CHN1: variants seen among roughly 807,000 people sequenced by gnomAD.
The protein encoded by CHN1 is chimerin 1, also known as N-chimaerin.
Under a neutral mutation model 59.5 loss-of-function variants are expected in CHN1, and 37 were observed. The observed-to-expected ratio is 0.62, with a 90% confidence interval of 0.48 to 0.82. The LOEUF is 0.82. Ranked by LOEUF, CHN1 falls within the 40% of genes least tolerant of loss-of-function variation. The pLI, the probability that CHN1 is intolerant of heterozygous loss-of-function variation, is 0.00. For synonymous variants in CHN1, 206 were observed against 200.4 expected (o/e 1.03, Z -0.24); for missense variants, 469 against 571.0 (o/e 0.82, Z 1.82).
intron 7 of CHN1, among the ~76,000 whole-genome samples, chr2:174,843,724 G>T (rs996664159): frequency 6.6e-6 from 1 of 152,036 alleles, no homozygotes; most frequent in African/African-American, 2.4e-5. Flanking sequence ...CCACTTAGGG[G>T]TATTTGTAGT....
At chr2:174,857,073 T>C (rs1355857700) in intron 6 of CHN1, among the ~76,000 whole-genome samples, 2 of 152,152 alleles carry the variant, frequency 1.3e-5, no homozygotes, top group Non-Finnish European at 2.9e-5. Context: ...ATTAATATCA[T>C]AAAGTAGTGA....
At chr2:174,893,702 G>T (rs560556492) in intron 5 of CHN1, among the ~76,000 whole-genome samples, 14 of 152,214 alleles carry the variant, frequency 9.2e-5, no homozygotes, top group Middle Eastern at 6.8e-3. Context: ...AACAAGGCTG[G>T]ATGCCTCAAA....
At chr2:174,981,058 AAAG>A (rs1159953615) in intron 1 of CHN1, among the ~76,000 whole-genome samples, 1 of 152,168 alleles carries the variant, frequency 6.6e-6, no homozygotes, top group Non-Finnish European at 1.5e-5. Flanking sequence ...CATTTAGCAA[AAAG>A]AAGGAAACCA....
intron 1 of CHN1, among the ~76,000 whole-genome samples, chr2:174,971,435 C>A (rs1002912740): frequency 5.9e-5 from 9 of 152,060 alleles, no homozygotes; most frequent in Non-Finnish European, 1.0e-4. Context: ...CAGTAAATAG[C>A]AACACATATA....
At chr2:174,841,446 C>T (rs1301882756) in intron 7 of CHN1, among the ~76,000 whole-genome samples, 1 of 152,198 alleles carries the variant, frequency 6.6e-6, no homozygotes, top group African/African-American at 2.4e-5. Context: ...ACAATGTTTA[C>T]AGGGACTTTA....
intron 1 of CHN1, among the ~76,000 whole-genome samples, chr2:174,986,754 TGAGACGGA>T (rs1691357245): frequency 1.2e-4 from 19 of 152,388 alleles, no homozygotes; most frequent in Non-Finnish European, 1.9e-4. Flanking sequence ...TTGCTTGTTT[TGAGACGGA>T]GTCTCACTCT....
chr2:174,874,034 A>C (rs2105468774), intron 6 of CHN1, among the ~76,000 whole-genome samples: 1 of 152,368 alleles, frequency 6.6e-6, no homozygotes, highest in Middle Eastern at 3.4e-3. Context: ...TCTGGCTCAC[A>C]GTATGGCTTC....
At chr2:174,903,239 C>T (rs1201801073) in intron 5 of CHN1, among the ~76,000 whole-genome samples, 1 of 152,174 alleles carries the variant, frequency 6.6e-6, no homozygotes, top group African/African-American at 2.4e-5. Context: ...TCTGGCTCAA[C>T]ATGATCTTAA....
chr2:174,921,937 A>G (rs1318165870), intron 3 of CHN1, among the ~76,000 whole-genome samples: 1 of 152,202 alleles, frequency 6.6e-6, no homozygotes, highest in Non-Finnish European at 1.5e-5. Context: ...ACCATATCAT[A>G]TACTTAAATA....
At chr2:174,889,316 T>A (rs928052290) in intron 5 of CHN1, among the ~76,000 whole-genome samples, 3 of 152,012 alleles carry the variant, frequency 2.0e-5, no homozygotes, top group Non-Finnish European at 4.4e-5. Flanking sequence ...AATGAACTTA[T>A]AAGCATATGA....
chr2:174,993,249 C>A (rs1691605414), intron 1 of CHN1, among the ~76,000 whole-genome samples: 1 of 152,026 alleles, frequency 6.6e-6, no homozygotes. Context: ...CCCCCACAAC[C>A]TGCTTCATGG....
At chr2:174,908,734 C>A (rs1489772750) in intron 5 of CHN1, among the ~76,000 whole-genome samples, 1 of 152,160 alleles carries the variant, frequency 6.6e-6, no homozygotes, top group South Asian at 2.1e-4. Context: ...ATAAATGCTG[C>A]TCTTTTTAAT....
chr2:175,002,810 C>CTCT (rs1343000028), intron 1 of CHN1, among the ~76,000 whole-genome samples: 1 of 152,196 alleles, frequency 6.6e-6, no homozygotes, highest in Non-Finnish European at 1.5e-5. Flanking sequence ...TGCTCCATTG[C>CTCT]TCTTCTGTTC....
At chr2:174,943,240 G>GTTTTT (rs1254247701) in intron 3 of CHN1, among the ~76,000 whole-genome samples, 2 of 151,038 alleles carry the variant, frequency 1.3e-5, no homozygotes, top group East Asian at 3.9e-4. Context: ...TTTTGTTTTT[G>GTTTTT]TTTTGAGATG....
chr2:174,969,013 T>C (rs1690674919), intron 1 of CHN1, among the ~76,000 whole-genome samples: 1 of 152,248 alleles, frequency 6.6e-6, no homozygotes, highest in Non-Finnish European at 1.5e-5. Flanking sequence ...TATAGAGTAA[T>C]GCCTCAGACA....
At position 175,004,906 on chromosome 2, in the gene CHN1, G is replaced by A. The variant is rs755734334; in HGVS notation, c.7C>T (p.Leu3=). 125 of 1,537,414 alleles carry A rather than the reference G, an allele frequency of 8.1e-5. No individual in the cohort carries two copies. The highest frequency in any genetic ancestry group is 1.1e-4 in the Non-Finnish European group (123 of 1,146,250). MA[L]TLFDTDEYRP... is the part of the protein sequence containing the mutation. ...CGGCTGCACTTACCAAACAGGGTCA[G>A]GGCCATTGTAAAGGCGCTCGCCGCC... Residue 3 remains leucine (L), a synonymous_variant, in exon 1 of 13, where the codon CTG becomes TTG. Coordinates refer to ENST00000409900, the MANE Select transcript of CHN1 (RefSeq NM_001822.7).
intron 7 of CHN1, among the ~76,000 whole-genome samples, chr2:174,845,630 G>A (rs1272163809): frequency 2.0e-5 from 3 of 151,980 alleles, no homozygotes; most frequent in Non-Finnish European, 2.9e-5. Flanking sequence ...AGAAGAAAAC[G>A]TTATTTAGTT....
At chr2:174,897,415 CTGTGTGCTTGTGTG>C (rs1688249696) in intron 5 of CHN1, among the ~76,000 whole-genome samples, 1 of 150,416 alleles carries the variant, frequency 6.6e-6, no homozygotes, top group Admixed American at 6.6e-5. Flanking sequence ...AAATAAATCT[CTGTGTGCTTGTGTG>C]TGTGTGTGTG....
intron 7 of CHN1, among the ~76,000 whole-genome samples, chr2:174,827,903 G>A (rs1396397330): frequency 6.6e-6 from 1 of 152,176 alleles, no homozygotes; most frequent in African/African-American, 2.4e-5. Flanking sequence ...GTGAGGTGGG[G>A]AGGACTGTGG....
Sources: allele counts gnomAD v4.1 joint callset (sites outside exome capture counted in the v4.1 genomes callset), GRCh38; gene constraint gnomAD v4.1.1; transcripts MANE v1.5; gene names NCBI Gene and HGNC (gene_info 2026-07-23, HGNC 2026-07-21).